The following DDO variants were observed in gnomAD, a reference collection of about 807,000 sequenced individuals.
DDO encodes D-aspartate oxidase.
A neutral mutation model predicts 16.8 loss-of-function variants in DDO; 16 were observed. The ratio of observed to expected loss-of-function variants is 0.95; its 90% CI spans 0.65 to 1.45. The LOEUF is 1.45. Ranked by LOEUF, DDO falls within the 40% of genes most tolerant of loss-of-function variation. The pLI, the probability that DDO is intolerant of heterozygous loss-of-function variation, is 0.00. For synonymous variants in DDO, 180 were observed against 167.2 expected, an observed-to-expected ratio of 1.08 and a Z score of -0.59; for missense variants, 429 against 420.3, an observed-to-expected ratio of 1.02 and a Z score of -0.18.
chr6:110,405,990 G>T (rs975023968), intron 3 of DDO, among the ~76,000 whole-genome samples: 11 of 152,132 alleles, frequency 7.2e-5, no homozygotes, highest in African/African-American at 2.4e-4. Context: ...TCCCCCATCG[G>T]AATATGTATC....
intron 3 of DDO, 85 bp downstream of exon 3, chr6:110,408,249 C>G: frequency 1.6e-6 from 2 of 1,280,296 alleles, no homozygotes; most frequent in Admixed American, 1.8e-5. Flanking sequence ...CTCACAACAG[C>G]TACTCAGTAA....
At chr6:110,396,089 C>A (rs1773281489) in intron 4 of DDO, among the ~76,000 whole-genome samples, 2 of 152,116 alleles carry the variant, frequency 1.3e-5, no homozygotes, top group Admixed American at 1.3e-4. Context: ...TGGAAGAGAC[C>A]AAGATTGCTA....
At chr6:110,408,621 A>G (rs1421606076) in intron 2 of DDO, among the ~76,000 whole-genome samples, 179 bp from the exon 3 acceptor site, 1 of 152,260 alleles carries the variant, frequency 6.6e-6, no homozygotes, top group African/African-American at 2.4e-5. Context: ...TGTCAGCAAC[A>G]AGAGATTTGC....
intron 3 of DDO, among the ~76,000 whole-genome samples, chr6:110,405,845 A>G (rs757142601): frequency 1.3e-5 from 2 of 152,144 alleles, no homozygotes; most frequent in South Asian, 4.1e-4. Context: ...TCGAGGCTGC[A>G]GTGAACTGAA....
At chr6:110,412,617 G>A (rs544784741) in intron 2 of DDO, among the ~76,000 whole-genome samples, 2 of 152,204 alleles carry the variant, frequency 1.3e-5, no homozygotes, top group African/African-American at 4.8e-5. Context: ...TCACAGAGGC[G>A]AGAACCTCAG....
At chr6:110,393,756 T>C (rs932458755) in intron 4 of DDO, among the ~76,000 whole-genome samples, 2 of 152,234 alleles carry the variant, frequency 1.3e-5, no homozygotes, top group African/African-American at 4.8e-5. Context: ...AACTCTTGCA[T>C]GATCCTTTGT....
At chr6:110,408,542 G>A in intron 2 of DDO, 100 bp from the exon 3 acceptor site, 1 of 1,036,612 alleles carries the variant, frequency 9.6e-7, no homozygotes. Flanking sequence ...AAAAAAATAA[G>A]GAGGCAAAAA....
chr6:110,413,282 A>G lies in DDO; in HGVS notation c.172+9T>C, dbSNP rs755894863. 3 of 1,613,478 alleles carry G rather than the reference A, an allele frequency of 1.9e-6. No individual in the cohort carries two copies. Among genetic ancestry groups the G allele is most frequent in the South Asian group, 1.1e-5 (1 of 90,956 alleles). ...TATTGTATCTGATAGAGGAGCTGAA[A>G]TCTCTCACCTGGATAAGTGTGAGGA... On this transcript the variant is annotated intron_variant, in intron 2 of 4. Coordinates refer to ENST00000368924, the MANE Select transcript of DDO (RefSeq NM_001372108.2).
intron 3 of DDO, among the ~76,000 whole-genome samples, chr6:110,406,620 C>T (rs1002457063): frequency 4.6e-5 from 7 of 152,224 alleles, no homozygotes; most frequent in Non-Finnish European, 8.8e-5. Flanking sequence ...TCAATGGCTT[C>T]CCATTTCTCT....
At position 110,408,470 on chromosome 6, in the gene DDO, A is replaced by AG. The variant is rs772363678; in HGVS notation, c.173-29_173-28insC. ...GTAATCATGGAGAAAAGCAAAGTGG[A>AG]ACAGAAAGGAAAATGATGATAATGA... On this transcript the variant is annotated intron_variant, in intron 2 of 4. Transcript: ENST00000368924. 8.2e-6 allele frequency: 13 copies of AG among 1,595,078 alleles called. No individual in the cohort carries two copies. In the Admixed American group the frequency reaches 1.0e-4, roughly 12 times the overall value.
intron 4 of DDO, among the ~76,000 whole-genome samples, chr6:110,394,513 T>C (rs1773226402): frequency 6.6e-6 from 1 of 152,204 alleles, no homozygotes; most frequent in Non-Finnish European, 1.5e-5. Context: ...AGAAAGAGAC[T>C]ATCAGCAGCT....
intron 4 of DDO, among the ~76,000 whole-genome samples, chr6:110,398,126 G>C (rs1773345854): frequency 6.6e-6 from 1 of 152,050 alleles, no homozygotes; most frequent in South Asian, 2.1e-4. Flanking sequence ...GAGGAAATAG[G>C]GTTAGGGGCA....
At chr6:110,412,564 T>C (rs372115958) in intron 2 of DDO, among the ~76,000 whole-genome samples, 7 of 152,294 alleles carry the variant, frequency 4.6e-5, no homozygotes, top group African/African-American at 1.7e-4. Context: ...CAATGAGCCA[T>C]CATCAGAAGC....
chr6:110,413,276 G>A lies in DDO; in HGVS notation c.172+15C>T. 2 of 1,612,984 alleles carry A rather than the reference G, an allele frequency of 1.2e-6. No homozygotes were observed. Among genetic ancestry groups the A allele is most frequent in the African/African-American group, 1.3e-5 (1 of 75,046 alleles). On this transcript the variant is annotated intron_variant, in intron 2 of 4. Coordinates refer to ENST00000368924, the MANE Select transcript of DDO (RefSeq NM_001372108.2). ...GACATCTATTGTATCTGATAGAGGA[G>A]CTGAAATCTCTCACCTGGATAAGTG...
intron 2 of DDO, among the ~76,000 whole-genome samples, chr6:110,410,422 G>A (rs1220853898): frequency 1.3e-5 from 2 of 152,230 alleles, no homozygotes; most frequent in African/African-American, 4.8e-5. Context: ...CTTAGTGTAA[G>A]CTGGTGTATT....
At chr6:110,409,773 A>G (rs1380503395) in intron 2 of DDO, among the ~76,000 whole-genome samples, 1 of 152,212 alleles carries the variant, frequency 6.6e-6, no homozygotes, top group Non-Finnish European at 1.5e-5. Context: ...CCAACAATCT[A>G]TGCCACTGTG....
intron 4 of DDO, among the ~76,000 whole-genome samples, chr6:110,395,014 A>G (rs1386369672): frequency 6.6e-6 from 1 of 152,208 alleles, no homozygotes; most frequent in Non-Finnish European, 1.5e-5. Context: ...GTTAGCCAAT[A>G]CTAAAGACAA....
chr6:110,410,315 T>C (rs1467006397), intron 2 of DDO, among the ~76,000 whole-genome samples: 1 of 152,218 alleles, frequency 6.6e-6, no homozygotes, highest in Admixed American at 6.5e-5. Flanking sequence ...GATGATTCCA[T>C]GACTAGCTGG....
At chr6:110,388,783 T>TCTGAAAAC (rs1773055671), downstream of DDO, 1 of 982,494 alleles carries the variant, frequency 1.0e-6, no homozygotes, top group Non-Finnish European at 1.2e-6. Flanking sequence ...AGCAGAGATT[T>TCTGAAAAC]AAGAAGGAAA....
Sources: gnomAD v4.1 joint callset for allele counts (sites outside exome capture counted in the v4.1 genomes callset) on GRCh38, gnomAD v4.1.1 for gene constraint, MANE v1.5 for transcripts, NCBI Gene and HGNC (gene_info 2026-07-23, HGNC 2026-07-21) for gene names.